The following ZMYM4 variants were observed in gnomAD, a reference collection of about 807,000 sequenced individuals.
ZMYM4 encodes the protein zinc finger MYM-type containing 4, also known as zinc finger MYM-type protein 4.
Under a neutral mutation model 183.2 loss-of-function variants are expected in ZMYM4, and 31 were observed. That is an observed-to-expected ratio of 0.17 (90% CI 0.13 to 0.23). The LOEUF is 0.23. Ranked by LOEUF, ZMYM4 falls within the 10% of genes least tolerant of loss-of-function variation. ZMYM4 has a pLI of 1.00. For synonymous variants in ZMYM4, 592 were observed against 631.2 expected (o/e 0.94, Z 0.93); for missense variants, 1,273 against 1,840.3 (o/e 0.69, Z 5.64).
Position 35,405,430 on chromosome 1 carries a change from A to G in ZMYM4, c.3758A>G (p.His1253Arg). Residue 1253 changes from histidine to arginine, a missense_variant, in exon 25 of 30, where the codon CAT (histidine) becomes CGT (arginine). This residue lies in a region of ZMYM4 where 133 missense variants were observed against 155.7 expected (regional missense o/e 0.85). Transcript: ENST00000314607. Reference sequence around the variant, plus strand: ...GACCCCTTAGGAAGTACTCAAGACCATGCACTCTCTCAAGAATCCTCAGAG... The same window carrying G: ...GACCCCTTAGGAAGTACTCAAGACCGTGCACTCTCTCAAGAATCCTCAGAG... ...RSDPLGSTQDHALSQESSEPG... is the reference protein window; with the variant it reads ...RSDPLGSTQDRALSQESSEPG... 8 of 1,612,868 alleles carry G rather than the reference A, an allele frequency of 5.0e-6. No individual in the cohort carries two copies. Among genetic ancestry groups the G allele is most frequent in the Non-Finnish European group, 5.9e-6 (7 of 1,179,502 alleles).
intron 1 of ZMYM4, among the ~76,000 whole-genome samples, chr1:35,273,273 C>A (rs535526084): frequency 1.8e-4 from 27 of 152,006 alleles, no homozygotes; most frequent in African/African-American, 6.5e-4. Flanking sequence ...AGCATCACAC[C>A]CACACAAATA....
At chr1:35,349,311 A>G (rs946591744) in intron 2 of ZMYM4, among the ~76,000 whole-genome samples, 11 of 152,116 alleles carry the variant, frequency 7.2e-5, no homozygotes, top group African/African-American at 2.7e-4. Flanking sequence ...AGAAAGACAT[A>G]TTAGTATAGC....
At chr1:35,321,528 AT>A (rs1642281543) in intron 1 of ZMYM4, among the ~76,000 whole-genome samples, 1 of 151,898 alleles carries the variant, frequency 6.6e-6, no homozygotes, top group Non-Finnish European at 1.5e-5. Flanking sequence ...TTAGGGCTAG[AT>A]TTTGGAGAGT....
intron 7 of ZMYM4, among the ~76,000 whole-genome samples, chr1:35,371,779 G>A (rs1644219920): frequency 6.6e-6 from 1 of 152,162 alleles, no homozygotes. Flanking sequence ...TTTAAATATG[G>A]TTAGAAGTTT....
At chr1:35,396,998 T>G in intron 19 of ZMYM4, 1 of 821,006 alleles carries the variant, frequency 1.2e-6, no homozygotes, top group Non-Finnish European at 1.5e-6. Context: ...TATATAATTC[T>G]CATTTTTGAT....
rs1212713251 is a variant in ZMYM4, at chr1:35,420,614, C to T, written c.*937C>T. The T allele has an allele frequency of 6.6e-6, 1 of 152,564 alleles. No homozygotes were observed. The highest frequency in any genetic ancestry group is 2.4e-5 in the African/African-American group (1 of 41,422). The allele number at this position is 152,564 out of a possible 1,614,324, so 9.5% of individuals were successfully genotyped here. A position where few individuals can be genotyped will look rare whatever the true frequency, so the allele number is the denominator to read the frequency against. On this transcript the variant is annotated 3_prime_UTR_variant, in exon 30 of 30. Coordinates refer to ENST00000314607, the MANE Select transcript of ZMYM4 (RefSeq NM_005095.3). ...CCCGTTGTTTTACCTTCCTATTTCC[C>T]AAACAGTTCCTCTTATTTTGTCTTT... is the stretch of plus-strand genomic sequence containing the variant.
At chr1:35,292,507 G>A (rs909410680) in intron 1 of ZMYM4, 2 of 151,824 alleles carry the variant, frequency 1.3e-5, no homozygotes, top group African/African-American at 4.9e-5. Flanking sequence ...GCGGTTAGTT[G>A]TTTTTTTTGA....
chr1:35,285,204 C>T (rs1388620865), intron 1 of ZMYM4, among the ~76,000 whole-genome samples: 2 of 150,826 alleles, frequency 1.3e-5, no homozygotes, highest in East Asian at 3.9e-4. Flanking sequence ...TTTCCTATTT[C>T]TGAAAAAAGA....
chr1:35,331,333 G>A (rs553424300), intron 2 of ZMYM4, among the ~76,000 whole-genome samples: 7 of 152,242 alleles, frequency 4.6e-5, no homozygotes, highest in East Asian at 1.9e-4. Context: ...TTAAATAAAG[G>A]TATAGGTTCT....
chr1:35,377,679 A>G (rs553091152), intron 7 of ZMYM4, among the ~76,000 whole-genome samples: 2 of 152,394 alleles, frequency 1.3e-5, no homozygotes, highest in African/African-American at 4.8e-5. Flanking sequence ...AATTAAAAAT[A>G]CTGCATTGCT....
At chr1:35,328,647 A>G (rs1376782801) in intron 2 of ZMYM4, among the ~76,000 whole-genome samples, 2 of 151,912 alleles carry the variant, frequency 1.3e-5, no homozygotes, top group African/African-American at 4.8e-5. Flanking sequence ...AATAAAGGTT[A>G]CCCTTTATCT....
intron 1 of ZMYM4, among the ~76,000 whole-genome samples, chr1:35,305,824 C>T (rs1324270683): frequency 1.3e-5 from 2 of 152,168 alleles, no homozygotes; most frequent in Non-Finnish European, 2.9e-5. Context: ...GTTGGGATTA[C>T]AGGTGTGAGC....
intron 2 of ZMYM4, among the ~76,000 whole-genome samples, chr1:35,339,632 G>A (rs1307254823): frequency 1.3e-5 from 2 of 152,198 alleles, no homozygotes; most frequent in Non-Finnish European, 2.9e-5. Context: ...TTGAGCATCT[G>A]TGGGTTTTGA....
At chr1:35,339,440 G>T (rs891883521) in intron 2 of ZMYM4, among the ~76,000 whole-genome samples, 1 of 152,222 alleles carries the variant, frequency 6.6e-6, no homozygotes, top group Admixed American at 6.5e-5. Flanking sequence ...TCACCACACT[G>T]GCCAGGATGG....
In ZMYM4 at chr1:35,268,714, G is replaced by C. The variant is rs1639428679; in HGVS notation, c.-333G>C. The stretch of plus-strand genomic sequence containing the variant: ...AGGGGCGCGCGCAAGGGGCTGATTT[G>C]GTGATCCCTTTAAGAAACCGCAGGC... On this transcript the variant is annotated 5_prime_UTR_variant, in exon 1 of 30. Coordinates refer to ENST00000314607, the MANE Select transcript of ZMYM4 (RefSeq NM_005095.3). Among the ~76,000 whole-genome samples the C allele has an allele frequency of 6.6e-6, 1 of 152,232 alleles. No homozygotes were observed. Among genetic ancestry groups the C allele is most frequent in the Non-Finnish European group, 1.5e-5 (1 of 68,042 alleles).
intron 1 of ZMYM4, among the ~76,000 whole-genome samples, chr1:35,318,942 A>G (rs1642169622): frequency 6.6e-6 from 1 of 152,112 alleles, no homozygotes; most frequent in Non-Finnish European, 1.5e-5. Flanking sequence ...GGTGGAGTGC[A>G]GTGGCATGAT....
At chr1:35,337,285 C>T (rs1297216478) in intron 2 of ZMYM4, among the ~76,000 whole-genome samples, 1 of 152,110 alleles carries the variant, frequency 6.6e-6, no homozygotes, top group African/African-American at 2.4e-5. Context: ...TCGCTTGAAC[C>T]TGGGAGATGG....
intron 1 of ZMYM4, among the ~76,000 whole-genome samples, chr1:35,276,710 C>T (rs1240219428): frequency 2.0e-5 from 3 of 152,032 alleles, no homozygotes; most frequent in Admixed American, 1.3e-4. Context: ...TGGGTTCAAG[C>T]GATTTTCCTG....
At chr1:35,419,068 T>G (rs1640234188) in intron 29 of ZMYM4, among the ~76,000 whole-genome samples, 1 of 152,228 alleles carries the variant, frequency 6.6e-6, no homozygotes, top group Admixed American at 6.5e-5. Flanking sequence ...TCCAGGATAT[T>G]GGGCACTTCC....
Sources: gnomAD v4.1 joint callset for allele counts (sites outside exome capture counted in the v4.1 genomes callset) on GRCh38, gnomAD v4.1.1 for gene constraint, gnomAD v4.1.1 regional missense constraint, MANE v1.5 for transcripts, NCBI Gene and HGNC (gene_info 2026-07-23, HGNC 2026-07-21) for gene names.